SDCCAG8: variants seen among roughly 807,000 people sequenced by gnomAD.
The protein encoded by SDCCAG8 is SHH signaling and ciliogenesis regulator SDCCAG8.
SDCCAG8 carries 74 observed loss-of-function variants against 101.8 expected under a neutral mutation model. The ratio of observed to expected loss-of-function variants is 0.73; its 90% CI spans 0.60 to 0.88. SDCCAG8 has a LOEUF of 0.88. Ranked by LOEUF, SDCCAG8 falls within the 40% of genes least tolerant of loss-of-function variation. SDCCAG8 has a pLI of 0.00. For synonymous variants in SDCCAG8, 281 were observed against 292.9 expected (o/e 0.96, Z 0.41); for missense variants, 787 against 822.6 (o/e 0.96, Z 0.53).
intron 16 of SDCCAG8, among the ~76,000 whole-genome samples, chr1:243,462,627 A>G (rs747800047): frequency 3.6e-5 from 5 of 140,320 alleles, no homozygotes; most frequent in Non-Finnish European, 7.7e-5. Context: ...ATGCATGAAT[A>G]GTAGAACAAA....
chr1:243,404,765 A>G (rs1010884189), intron 13 of SDCCAG8, among the ~76,000 whole-genome samples: 5 of 152,142 alleles, frequency 3.3e-5, no homozygotes, highest in South Asian at 2.1e-4. Context: ...ATACATGCAC[A>G]TTGGATGTTT....
At chr1:243,403,920 C>A (rs558868467) in intron 13 of SDCCAG8, among the ~76,000 whole-genome samples, 32 of 152,336 alleles carry the variant, frequency 2.1e-4, no homozygotes, top group African/African-American at 7.7e-4. Flanking sequence ...ACACCCCCTA[C>A]CCTGGTCCGT....
intron 1 of SDCCAG8, among the ~76,000 whole-genome samples, chr1:243,265,853 A>G (rs543997262): frequency 1.3e-5 from 2 of 151,776 alleles, no homozygotes; most frequent in African/African-American, 2.4e-5. Context: ...TAATCTGATG[A>G]AAGAACTCTG....
chr1:243,468,959 A>G (rs561341595), intron 16 of SDCCAG8, among the ~76,000 whole-genome samples: 6 of 152,342 alleles, frequency 3.9e-5, no homozygotes, highest in African/African-American at 1.2e-4. Context: ...CTGAGGATCT[A>G]CTAAGCACCA....
Position 243,322,931 on chromosome 1 carries a change from T to C in SDCCAG8, c.1068+6038T>C, listed in dbSNP as rs560504159. The stretch of plus-strand genomic sequence containing the variant: ...GCAGGCAGATCACGAGGTCAAGAGA[T>C]TGAGACCATCCTGGCCAATGTGGTG... On this transcript the variant is annotated intron_variant, in intron 9 of 17. Coordinates refer to ENST00000366541, the MANE Select transcript of SDCCAG8 (RefSeq NM_006642.5). Among the ~76,000 whole-genome samples the C allele has an allele frequency of 1.3e-3, 202 of 151,832 alleles. 3 individuals carry two copies. In the South Asian group the frequency reaches 0.04, roughly 30 times the overall value.
Position 243,256,182 on chromosome 1 carries a change from GT to G in SDCCAG8, c.10del (p.Ser4ProfsTer29), listed in dbSNP as rs2066643296. 1 of 1,614,198 alleles carries G rather than the reference GT, an allele frequency of 6.2e-7. No individual in the cohort carries two copies. Among genetic ancestry groups the G allele is most frequent in the Non-Finnish European group, 8.5e-7 (1 of 1,179,994 alleles). ...GGGCCTAGAGTGCGTGCATGGCGAA[GT>G]CCCCGGAGAACTCTACCCTGGAGGA... MAKSPENSTLEEIL... is the reference protein window; with the variant it reads MAKXPENSTLEEIL... On this transcript the variant is annotated frameshift_variant, in exon 1 of 18. Transcript: ENST00000366541. LOFTEE classifies it high-confidence loss of function.
At chr1:243,384,201 G>A (rs1216558726) in intron 13 of SDCCAG8, among the ~76,000 whole-genome samples, 4 of 152,176 alleles carry the variant, frequency 2.6e-5, no homozygotes, top group African/African-American at 7.2e-5. Flanking sequence ...AGGAGGAGAG[G>A]TCTTATCAGT....
intron 4 of SDCCAG8, among the ~76,000 whole-genome samples, chr1:243,280,418 T>G (rs563606740): frequency 6.6e-6 from 1 of 152,286 alleles, no homozygotes; most frequent in Non-Finnish European, 1.5e-5. Flanking sequence ...CTGTTGATTT[T>G]CTATTTTTAA....
At chr1:243,484,854 G>T (rs532836640) in intron 16 of SDCCAG8, among the ~76,000 whole-genome samples, 4 of 152,092 alleles carry the variant, frequency 2.6e-5, no homozygotes, top group Non-Finnish European at 4.4e-5. Context: ...GACCAGCCTG[G>T]CCAACATCGT....
intron 1 of SDCCAG8, among the ~76,000 whole-genome samples, chr1:243,260,644 A>C (rs1021570904): frequency 3.9e-5 from 6 of 152,256 alleles, no homozygotes; most frequent in Non-Finnish European, 8.8e-5. Flanking sequence ...AGCGTTGGGA[A>C]TAGATAACAA....
chr1:243,295,768 T>C (rs1024094902), intron 6 of SDCCAG8, among the ~76,000 whole-genome samples: 2 of 152,134 alleles, frequency 1.3e-5, no homozygotes, highest in Non-Finnish European at 2.9e-5. Flanking sequence ...CCGAATAGCA[T>C]GTTTTCTCTC....
At chr1:243,497,347 G>GGT (rs1558558649) in intron 17 of SDCCAG8, among the ~76,000 whole-genome samples, 3 of 137,038 alleles carry the variant, frequency 2.2e-5, no homozygotes, top group Non-Finnish European at 3.2e-5. Flanking sequence ...TGGGGGGGGG[G>GGT]GCGTTGAGCA....
chr1:243,314,892 T>C (rs1185455868), intron 8 of SDCCAG8, among the ~76,000 whole-genome samples: 1 of 152,214 alleles, frequency 6.6e-6, no homozygotes, highest in African/African-American at 2.4e-5. Flanking sequence ...GTATTTTTAA[T>C]AGAGACAGAG....
In SDCCAG8 at chr1:243,478,364, G is replaced by A. The variant is rs1385320603; in HGVS notation, c.1986-10650G>A. ...TTTCTTGGCTTCACCATAATGGGCT[G>A]AACTGAATGTTCTCTAAGGTGCCTC... On this transcript the variant is annotated intron_variant, in intron 16 of 17. Transcript: ENST00000366541. Among the ~76,000 whole-genome samples the A allele has an allele frequency of 2.0e-5, 3 of 152,200 alleles. No individual in the cohort carries two copies. In the East Asian group the frequency reaches 5.8e-4, roughly 29 times the overall value.
At chr1:243,385,838 G>A (rs1456515281) in intron 13 of SDCCAG8, among the ~76,000 whole-genome samples, 1 of 151,920 alleles carries the variant, frequency 6.6e-6, no homozygotes, top group Non-Finnish European at 1.5e-5. Context: ...GCATGGTGTT[G>A]CAAGCCTGTA....
At chr1:243,375,016 T>C (rs1310836862) in intron 12 of SDCCAG8, among the ~76,000 whole-genome samples, 6 of 152,092 alleles carry the variant, frequency 3.9e-5, no homozygotes, top group East Asian at 1.9e-4. Context: ...AGAAAATTAA[T>C]TTAAACAAGA....
chr1:243,269,681 C>A (rs1341850668), intron 1 of SDCCAG8, among the ~76,000 whole-genome samples: 1 of 152,096 alleles, frequency 6.6e-6, no homozygotes, highest in Non-Finnish European at 1.5e-5. Context: ...GGGTGTGACG[C>A]AGTCCCTTTT....
intron 1 of SDCCAG8, among the ~76,000 whole-genome samples, chr1:243,261,086 G>A (rs2149248705): frequency 6.6e-6 from 1 of 152,300 alleles, no homozygotes; most frequent in East Asian, 1.9e-4. Flanking sequence ...GACATTAAGG[G>A]AAATGATGAG....
At chr1:243,488,592 G>A (rs1665581418) in intron 16 of SDCCAG8, 1 of 236,802 alleles carries the variant, frequency 4.2e-6, no homozygotes, top group Non-Finnish European at 8.4e-6. Flanking sequence ...GATTAATAAT[G>A]GAAAACCCTT....
Sources: gnomAD v4.1 joint callset for allele counts (sites outside exome capture counted in the v4.1 genomes callset) on GRCh38, gnomAD v4.1.1 for gene constraint, MANE v1.5 for transcripts, NCBI Gene and HGNC (gene_info 2026-07-23, HGNC 2026-07-21) for gene names.